RELL1: variants seen among roughly 807,000 people sequenced by gnomAD.
RELL1 encodes the protein RELT-like protein 1.
In RELL1, 10 loss-of-function variants were observed where a neutral mutation model predicts 23.0. That is an observed-to-expected ratio of 0.43 (90% CI 0.27 to 0.74). The LOEUF is 0.74. Ranked by LOEUF, RELL1 falls within the 30% of genes least tolerant of loss-of-function variation. The pLI, the probability that RELL1 is intolerant of heterozygous loss-of-function variation, is 0.19. For missense variants in RELL1, 315 were observed against 364.4 expected (o/e 0.86, Z 1.10); for synonymous variants, 146 against 146.8 (o/e 0.99, Z 0.04).
Position 37,627,441 on chromosome 4 carries a change from C to T in RELL1, c.*3+3944G>A, listed in dbSNP as rs28542658. 7.5e-3 allele frequency among the ~76,000 whole-genome samples: 1,134 copies of T among 152,186 alleles called. 13 individuals are homozygous for T. Among genetic ancestry groups the T allele is most frequent in the African/African-American group, 0.026 (1,062 of 41,522 alleles). ...AGGAGAAACCAAAACACATTTTCTGCAGAAAAAAGACCATTTTAACCGCAT... is the reference window on the plus strand; with the variant it reads ...AGGAGAAACCAAAACACATTTTCTGTAGAAAAAAGACCATTTTAACCGCAT... On this transcript the variant is annotated intron_variant, in intron 6 of 6. Coordinates refer to ENST00000454158, the MANE Select transcript of RELL1 (RefSeq NM_001085400.2).
In RELL1 at chr4:37,623,953, A is replaced by T. The variant is rs117646708; in HGVS notation, c.*3+7432T>A. On this transcript the variant is annotated intron_variant, in intron 6 of 6. Transcript: ENST00000454158. ...AGAAAAAAATAAACTAACTAGTAGT[A>T]CCTGCAGTTTCTCATCATTAACTGC... Among the ~76,000 whole-genome samples the T allele has an allele frequency of 6.2e-4, 95 of 152,344 alleles. 1 individual carries two copies. In the East Asian group the frequency reaches 0.016, roughly 25 times the overall value.
intron 6 of RELL1, 149 bp downstream of exon 6, chr4:37,631,236 G>T (rs1346405308): frequency 2.4e-6 from 2 of 849,704 alleles, no homozygotes; most frequent in Admixed American, 2.6e-5. Context: ...ATCATGTTCA[G>T]TCCCCCTCAG....
chr4:37,619,159 GTGAGC>G (rs1719681693), intron 6 of RELL1, among the ~76,000 whole-genome samples: 1 of 151,366 alleles, frequency 6.6e-6, no homozygotes, highest in African/African-American at 2.4e-5. Flanking sequence ...GATCACAGGC[GTGAGC>G]CACTGCACCC....
chr4:37,624,681 G>A (rs1042657818), intron 6 of RELL1, among the ~76,000 whole-genome samples: 18 of 151,782 alleles, frequency 1.2e-4, no homozygotes, highest in Admixed American at 5.2e-4. Flanking sequence ...CGCCCACCTC[G>A]GCCTCCCACA....
intron 1 of RELL1, among the ~76,000 whole-genome samples, chr4:37,664,184 T>C (rs1021998106): frequency 6.6e-6 from 1 of 152,138 alleles, no homozygotes; most frequent in African/African-American, 2.4e-5. Flanking sequence ...AAGACCATCC[T>C]GGCCAACATG....
intron 6 of RELL1, among the ~76,000 whole-genome samples, chr4:37,620,852 G>A (rs951727861): frequency 3.3e-5 from 5 of 152,166 alleles, no homozygotes; most frequent in African/African-American, 1.2e-4. Flanking sequence ...GGGCTGATCC[G>A]ATATAGTAAT....
downstream of RELL1, among the ~76,000 whole-genome samples, chr4:37,609,207 A>G (rs1306318131): frequency 6.6e-6 from 1 of 152,218 alleles, no homozygotes; most frequent in Non-Finnish European, 1.5e-5. Flanking sequence ...ATGCTCATTT[A>G]CCATCTTGAA....
chr4:37,597,861 G>A (rs1401685115), intron 6 of RELL1, among the ~76,000 whole-genome samples: 1 of 151,850 alleles, frequency 6.6e-6, no homozygotes, highest in African/African-American at 2.4e-5. Context: ...GACCAGCCGG[G>A]CCAAAATGGC....
downstream of RELL1, among the ~76,000 whole-genome samples, chr4:37,607,258 TG>T (rs1719251807): frequency 6.6e-6 from 1 of 152,188 alleles, no homozygotes; most frequent in South Asian, 2.1e-4. Flanking sequence ...AAGAACGTTG[TG>T]GTTTAATGAA....
Position 37,591,102 on chromosome 4 carries a change from T to G in RELL1, c.*119A>C, listed in dbSNP as rs1718588681. 4 of 961,982 alleles carry G rather than the reference T, an allele frequency of 4.2e-6. No individual in the cohort carries two copies. The South Asian group carries it at 4.8e-5, about 12-fold the overall frequency. The allele number at this position is 961,982 out of a possible 1,614,324, so 59.6% of individuals were successfully genotyped here. ...AGGTGATTCTGCCAGCATGCACCAG[T>G]GCAGCCTTACCAGTTGTTTACATCC... On this transcript the variant is annotated 3_prime_UTR_variant, in exon 7 of 7. Coordinates refer to the RELL1 transcript ENST00000314117.
intron 1 of RELL1, among the ~76,000 whole-genome samples, chr4:37,657,861 A>G (rs1721180939): frequency 6.6e-6 from 1 of 152,126 alleles, no homozygotes; most frequent in South Asian, 2.1e-4. Context: ...GCAGTGGGCC[A>G]TGATTGTGCC....
At chr4:37,669,397 C>A (rs1422045286) in intron 1 of RELL1, among the ~76,000 whole-genome samples, 14 of 145,856 alleles carry the variant, frequency 9.6e-5, no homozygotes, top group Non-Finnish European at 2.0e-4. Context: ...CCGCCCCGTC[C>A]GGGAGGGAGG....
intron 1 of RELL1, among the ~76,000 whole-genome samples, chr4:37,670,328 C>T (rs569158793): frequency 5.9e-5 from 9 of 151,838 alleles, no homozygotes; most frequent in African/African-American, 1.9e-4. Context: ...CAGCGGTAAA[C>T]CAGGATACTG....
intron 6 of RELL1, among the ~76,000 whole-genome samples, chr4:37,599,010 T>C (rs1212191524): frequency 6.6e-6 from 1 of 152,070 alleles, no homozygotes; most frequent in Admixed American, 6.5e-5. Context: ...AAAGGTGACA[T>C]AATATGCCTC....
downstream of RELL1, among the ~76,000 whole-genome samples, chr4:37,589,875 A>G (rs1577546010): frequency 6.6e-6 from 1 of 152,148 alleles, no homozygotes; most frequent in Non-Finnish European, 1.5e-5. Context: ...CAAGTGATCC[A>G]CCCGCCTTGG....
At chr4:37,600,700 C>A (rs996999514) in intron 6 of RELL1, among the ~76,000 whole-genome samples, 14 of 151,482 alleles carry the variant, frequency 9.2e-5, no homozygotes, top group African/African-American at 3.2e-4. Context: ...AAAACAGAAA[C>A]CATGGAAGAT....
chr4:37,645,900 C>A (rs1720695259), intron 3 of RELL1, among the ~76,000 whole-genome samples: 1 of 152,194 alleles, frequency 6.6e-6, no homozygotes, highest in Admixed American at 6.5e-5. Context: ...GTCAAACTGA[C>A]AAACAGGCTG....
intron 5 of RELL1, among the ~76,000 whole-genome samples, chr4:37,632,263 C>T (rs559568129): frequency 5.9e-5 from 9 of 151,964 alleles, no homozygotes; most frequent in African/African-American, 1.9e-4. Flanking sequence ...CCTCCACCTC[C>T]TGGGTTTAAG....
At chr4:37,630,451 G>A (rs373235710) in intron 6 of RELL1, among the ~76,000 whole-genome samples, 6 of 132,030 alleles carry the variant, frequency 4.5e-5, no homozygotes, top group African/African-American at 1.7e-4. Context: ...TGCAAGCTCC[G>A]CCTCCCGGGT....
Sources: gnomAD v4.1 joint callset for allele counts (sites outside exome capture counted in the v4.1 genomes callset) on GRCh38, gnomAD v4.1.1 for gene constraint, MANE v1.5 for transcripts, NCBI Gene and HGNC (gene_info 2026-07-23, HGNC 2026-07-21) for gene names.